The following ADGRB3 variants were observed in gnomAD, a reference collection of about 807,000 sequenced individuals.
The protein encoded by ADGRB3 is brain-specific angiogenesis inhibitor 3.
Under a neutral mutation model 193.4 loss-of-function variants are expected in ADGRB3, and 37 were observed. That is an observed-to-expected ratio of 0.19 (90% CI 0.15 to 0.25). ADGRB3 has a LOEUF of 0.25. Among genes scored for constraint, ADGRB3 ranks in the 10% least tolerant of loss-of-function variants. The pLI, the probability that ADGRB3 is intolerant of heterozygous loss-of-function variation, is 1.00. For missense variants in ADGRB3, 1,637 were observed against 1,852.9 expected (o/e 0.88, Z 2.14); for synonymous variants, 690 against 644.2 (o/e 1.07, Z -1.08).
At chr6:69,383,297 A>G (rs924247666) in intron 31 of ADGRB3, among the ~76,000 whole-genome samples, 4 of 152,126 alleles carry the variant, frequency 2.6e-5, no homozygotes, top group Middle Eastern at 3.4e-3. Flanking sequence ...TCTGACATAA[A>G]TGTAATTGTT....
chr6:68,734,912 T>G (rs920186065), intron 3 of ADGRB3, among the ~76,000 whole-genome samples: 6 of 151,982 alleles, frequency 3.9e-5, no homozygotes, highest in South Asian at 4.1e-4. Flanking sequence ...AGAGTTTAAC[T>G]TGGGTTTCTA....
chr6:68,650,506 C>G (rs1473834171), intron 3 of ADGRB3, among the ~76,000 whole-genome samples: 1 of 151,844 alleles, frequency 6.6e-6, no homozygotes, highest in Non-Finnish European at 1.5e-5. Flanking sequence ...TACTTCAAGG[C>G]TCCCATATAA....
intron 3 of ADGRB3, among the ~76,000 whole-genome samples, chr6:68,795,000 A>G (rs958210245): frequency 8.5e-5 from 13 of 152,112 alleles, no homozygotes; most frequent in African/African-American, 2.9e-4. Flanking sequence ...ATTTTTAACC[A>G]TAATTGTTTT....
intron 17 of ADGRB3, among the ~76,000 whole-genome samples, chr6:69,102,447 C>T (rs1246169934): frequency 6.6e-6 from 1 of 152,136 alleles, no homozygotes; most frequent in Non-Finnish European, 1.5e-5. Context: ...TCTAAAACTC[C>T]TTTTAAGAAA....
At chr6:69,325,686 T>C (rs187595199) in intron 21 of ADGRB3, among the ~76,000 whole-genome samples, 21 of 152,286 alleles carry the variant, frequency 1.4e-4, no homozygotes, top group African/African-American at 5.1e-4. Flanking sequence ...AAAGCCCAAA[T>C]ATACAATAAT....
At chr6:68,873,743 T>C (rs190053366) in intron 3 of ADGRB3, among the ~76,000 whole-genome samples, 1 of 152,222 alleles carries the variant, frequency 6.6e-6, no homozygotes, top group East Asian at 1.9e-4. Context: ...GTATTGACAA[T>C]ATATTCATTC....
At position 69,361,018 on chromosome 6, in the gene ADGRB3, A is replaced by G. The variant is rs762041519; in HGVS notation, c.3745A>G (p.Ile1249Val). The change falls in exon 29 of 32, where the codon ATC becomes GTC. Residue 1249 changes from isoleucine to valine, a missense_variant. Physicochemically the swap from Ile to Val is conservative, Grantham distance 29 (BLOSUM62 3). Transcript: ENST00000370598. ...TLPGNVISKV[I>V]IQQPTGLHMP... ...GCCTGGAAATGTCATTTCCAAAGTC[A>G]TCATCCAGCAACCCACAGGTTTGCA... 9.9e-6 allele frequency: 16 copies of G among 1,612,838 alleles called. No homozygotes were observed. Among genetic ancestry groups the G allele is most frequent in the South Asian group, 6.6e-5 (6 of 91,052 alleles).
chr6:68,665,243 C>A (rs940753156), intron 3 of ADGRB3, among the ~76,000 whole-genome samples: 20 of 151,568 alleles, frequency 1.3e-4, no homozygotes, highest in African/African-American at 4.8e-4. Context: ...AAAGTATAGT[C>A]TTGGTATTTT....
intron 17 of ADGRB3, among the ~76,000 whole-genome samples, chr6:69,224,455 T>C (rs1765967159): frequency 6.6e-6 from 1 of 152,188 alleles, no homozygotes; most frequent in African/African-American, 2.4e-5. Context: ...ACCAACAGTT[T>C]TTTTGAGGAA....
intron 3 of ADGRB3, among the ~76,000 whole-genome samples, chr6:68,927,707 T>C (rs1260014385): frequency 6.6e-6 from 1 of 152,240 alleles, no homozygotes; most frequent in South Asian, 2.1e-4. Flanking sequence ...TCTAGAACAA[T>C]GGATGTGGAA....
At chr6:68,916,826 G>A (rs1003019857) in intron 3 of ADGRB3, among the ~76,000 whole-genome samples, 1 of 152,136 alleles carries the variant, frequency 6.6e-6, no homozygotes, top group Non-Finnish European at 1.5e-5. Context: ...GATGCAAGAT[G>A]GTCTTGAAGG....
intron 3 of ADGRB3, among the ~76,000 whole-genome samples, chr6:68,834,886 T>G (rs1338422705): frequency 6.6e-6 from 1 of 152,146 alleles, no homozygotes; most frequent in Non-Finnish European, 1.5e-5. Context: ...ACCCCAAGCC[T>G]TTAAGTTTCG....
intron 17 of ADGRB3, among the ~76,000 whole-genome samples, chr6:69,134,285 T>C (rs142750950): frequency 1.4e-4 from 22 of 152,202 alleles, no homozygotes; most frequent in Admixed American, 3.3e-4. Context: ...TTCTTAACCT[T>C]TACTGAGGGT....
At chr6:69,014,141 C>A (rs746077883) in intron 12 of ADGRB3, 35 bp downstream of exon 12, 3 of 1,441,360 alleles carry the variant, frequency 2.1e-6, no homozygotes, top group Non-Finnish European at 1.9e-6. Flanking sequence ...TTGAAGTTGG[C>A]AAAACAAAGT....
chr6:69,081,959 A>G (rs929338620), intron 17 of ADGRB3, among the ~76,000 whole-genome samples: 4 of 152,100 alleles, frequency 2.6e-5, no homozygotes, highest in Admixed American at 6.6e-5. Context: ...TTTTCATTGT[A>G]ATTCTCACCT....
chr6:69,345,542 TA>T, intron 26 of ADGRB3, among the ~76,000 whole-genome samples: 1 of 152,194 alleles, frequency 6.6e-6, no homozygotes, highest in South Asian at 2.1e-4. Context: ...AGGCCTTCGA[TA>T]AAATTCAAAA....
At chr6:68,772,895 ATAT>A (rs1441082756) in intron 3 of ADGRB3, among the ~76,000 whole-genome samples, 385 of 33,192 alleles carry the variant, frequency 0.012, 3 homozygotes, top group Admixed American at 0.016. Context: ...AAAAAAAAAA[ATAT>A]ATATATATAT....
At chr6:69,310,601 C>A (rs1439179178) in intron 20 of ADGRB3, among the ~76,000 whole-genome samples, 1 of 151,680 alleles carries the variant, frequency 6.6e-6, no homozygotes, top group Admixed American at 6.6e-5. Context: ...TTCTTATTAT[C>A]TTCTTGGCCT....
intron 3 of ADGRB3, among the ~76,000 whole-genome samples, chr6:68,861,049 C>A (rs1765138767): frequency 6.6e-6 from 1 of 152,128 alleles, no homozygotes; most frequent in Non-Finnish European, 1.5e-5. Context: ...TTATTTTTCA[C>A]CTCATGGACC....
Sources: gnomAD v4.1 joint callset for allele counts (sites outside exome capture counted in the v4.1 genomes callset) on GRCh38, gnomAD v4.1.1 for gene constraint, MANE v1.5 for transcripts, NCBI Gene and HGNC (gene_info 2026-07-23, HGNC 2026-07-21) for gene names.